The following TMEM18 variants were observed in gnomAD, a reference collection of about 807,000 sequenced individuals.
TMEM18 encodes the protein transmembrane protein 18.
A neutral mutation model predicts 17.4 loss-of-function variants in TMEM18; 14 were observed. The observed-to-expected ratio is 0.80, with a 90% CI of 0.53 to 1.25. The LOEUF is 1.25. TMEM18 is among the 50% of genes most tolerant of loss of function. TMEM18 has a pLI of 0.00. For missense variants in TMEM18, 187 were observed against 172.1 expected, an observed-to-expected ratio of 1.09 and a Z score of -0.48; for synonymous variants, 86 against 66.1, an observed-to-expected ratio of 1.30 and a Z score of -1.46.
chr2:669,960 G>A (rs1678798025), intron 3 of TMEM18, 110 bp from the exon 4 acceptor site: 15 of 817,710 alleles, frequency 1.8e-5, no homozygotes, highest in Non-Finnish European at 2.7e-5. Flanking sequence ...ACTGAGGTGG[G>A]AGCAACACCC....
rs1036551514 is a variant in TMEM18 at position 664,570 on chromosome 2, A to C, written c.*5010T>G. On this transcript the variant is annotated 3_prime_UTR_variant, in exon 5 of 5. Coordinates refer to ENST00000281017, the MANE Select transcript of TMEM18 (RefSeq NM_152834.4). ...TAACCACAGAAGTACAAGTTAAAAC[A>C]GTGAGATAAAACTTTCACCTATTAC... Among the ~76,000 whole-genome samples, 5 of 152,268 alleles carry C rather than the reference A, an allele frequency of 3.3e-5. No homozygotes were observed. The highest frequency in any genetic ancestry group is 7.3e-5 in the Non-Finnish European group (5 of 68,046).
intron 3 of TMEM18, among the ~76,000 whole-genome samples, chr2:672,305 G>A (rs1678869911): frequency 6.6e-6 from 1 of 152,198 alleles, no homozygotes; most frequent in African/African-American, 2.4e-5. Flanking sequence ...CTGGGATGAA[G>A]CCAGGGGTAG....
intron 1 of TMEM18, 131 bp from the exon 2 acceptor site, chr2:675,761 G>T: frequency 6.5e-7 from 1 of 1,535,606 alleles, no homozygotes. Flanking sequence ...TACTCACCAA[G>T]TATCCAGAGA....
chr2:671,102 C>G (rs10164967), intron 3 of TMEM18: 127,032 of 152,404 alleles, frequency 0.83, 52,970 homozygotes, highest in Middle Eastern at 0.86. Flanking sequence ...GCAGAGCAGT[C>G]GGACTGAAGT....
chr2:675,673 A>C, intron 1 of TMEM18, 43 bp from the exon 2 acceptor site: 1 of 1,608,728 alleles, frequency 6.2e-7, no homozygotes, highest in East Asian at 2.2e-5. Flanking sequence ...CTGCCACTCA[A>C]GGCCGGGTTC....
chr2:672,737 C>T (rs1455550774), intron 3 of TMEM18, 71 bp downstream of exon 3: 9 of 1,345,628 alleles, frequency 6.7e-6, no homozygotes, highest in Non-Finnish European at 8.8e-6. Flanking sequence ...TCCGCGAGTC[C>T]CACCGGCTGT....
chr2:675,538 T>C lies in TMEM18; in HGVS notation c.150A>G (p.Arg50=). Residue 50 remains arginine, a synonymous_variant, in exon 2 of 5, where the codon AGA becomes AGG. Transcript: ENST00000281017. ...LLTCLSSRSY[R]LQIGHFLCLV... ...GACACAGAAAGTGCCCGATCTGTAG[T>C]CTGTAGCTTCGGGAGGACAAGCAGG... 6.2e-7 allele frequency: 1 copy of C among 1,614,234 alleles called. No individual in the cohort carries two copies. The highest frequency in any genetic ancestry group is 8.5e-7 in the Non-Finnish European group (1 of 1,180,042).
chr2:673,063 T>C (rs1678897172), intron 2 of TMEM18, among the ~76,000 whole-genome samples: 1 of 152,190 alleles, frequency 6.6e-6, no homozygotes, highest in Non-Finnish European at 1.5e-5. Flanking sequence ...GTGCTTCAGT[T>C]CTCCAATGCT....
rs1013881506 is a variant in TMEM18 at position 676,546 on chromosome 2, G to C, written c.57+743C>G. 3.2e-6 allele frequency: 5 copies of C among 1,549,546 alleles called. No homozygotes were observed. The South Asian group carries it at 3.6e-5, about 11-fold the overall frequency. ...GCCGCGCCATGACATAAGGACACAAGCGCATCTACTCCCATCAATGCACCC... is the reference window on the plus strand; with the variant it reads ...GCCGCGCCATGACATAAGGACACAACCGCATCTACTCCCATCAATGCACCC... On this transcript the variant is annotated intron_variant, in intron 1 of 4. Coordinates refer to ENST00000281017, the MANE Select transcript of TMEM18 (RefSeq NM_152834.4).
rs1572407341 is a variant in TMEM18 at position 666,961 on chromosome 2, C to A, written c.*2619G>T. On this transcript the variant is annotated 3_prime_UTR_variant, in exon 5 of 5. Transcript: ENST00000281017. ...GCAATTCTCGTCTGTCTTTAAGCAT[C>A]CCACTCAACTTCGCGCCACTGAAGC... 6.6e-6 allele frequency among the ~76,000 whole-genome samples: 1 copy of A among 152,052 alleles called. No individual in the cohort carries two copies. Among genetic ancestry groups the A allele is most frequent in the African/African-American group, 2.4e-5 (1 of 41,454 alleles).
At position 664,853 on chromosome 2, in the gene TMEM18, AAT is replaced by A. The variant is rs1165202619; in HGVS notation, c.*4725_*4726del. 6.6e-6 allele frequency among the ~76,000 whole-genome samples: 1 copy of A among 152,222 alleles called. No individual in the cohort carries two copies. The highest frequency in any genetic ancestry group is 1.5e-5 in the Non-Finnish European group (1 of 68,048). ...ACAATTAGAAAAACTCTGCATCTCT[AAT>A]ATCAGTAACTGGTTACGTAAATTCA... On this transcript the variant is annotated 3_prime_UTR_variant, in exon 5 of 5. Coordinates refer to ENST00000281017, the MANE Select transcript of TMEM18 (RefSeq NM_152834.4).
rs1678642107 is a variant in TMEM18, at chr2:665,037, A to G, written c.*4543T>C. ...ACACTTAACAATTTTCTCCTGTTCC[A>G]AAGATATCCAATGTTATATAAGAAA... On this transcript the variant is annotated 3_prime_UTR_variant, in exon 5 of 5. Transcript: ENST00000281017. 6.6e-6 allele frequency among the ~76,000 whole-genome samples: 1 copy of G among 152,270 alleles called. No individual in the cohort carries two copies. Among genetic ancestry groups the G allele is most frequent in the Non-Finnish European group, 1.5e-5 (1 of 68,050 alleles).
rs994553648 is a variant in TMEM18 at position 664,914 on chromosome 2, C to T, written c.*4666G>A. ...CCCTACAATGTGTTTACTATGCAGGCATTGAAAATAATGTTATATAGTGAA... is the reference window on the plus strand; with the variant it reads ...CCCTACAATGTGTTTACTATGCAGGTATTGAAAATAATGTTATATAGTGAA... On this transcript the variant is annotated 3_prime_UTR_variant, in exon 5 of 5. Transcript: ENST00000281017. Among the ~76,000 whole-genome samples the T allele has an allele frequency of 2.6e-5, 4 of 152,106 alleles. No homozygotes were observed. The highest frequency in any genetic ancestry group is 9.7e-5 in the African/African-American group (4 of 41,402).
At chr2:671,177 C>G (rs1017351316) in intron 3 of TMEM18, among the ~76,000 whole-genome samples, 2 of 152,134 alleles carry the variant, frequency 1.3e-5, no homozygotes, top group Admixed American at 1.3e-4. Context: ...AGGCAAGAAA[C>G]CCAGCGCTTT....
rs1678693601 is a variant in TMEM18 at position 666,477 on chromosome 2, A to G, written c.*3103T>C. Among the ~76,000 whole-genome samples the G allele has an allele frequency of 6.6e-6, 1 of 152,198 alleles. No homozygotes were observed. The highest frequency in any genetic ancestry group is 1.5e-5 in the Non-Finnish European group (1 of 68,028). On this transcript the variant is annotated 3_prime_UTR_variant, in exon 5 of 5. Coordinates refer to ENST00000281017, the MANE Select transcript of TMEM18 (RefSeq NM_152834.4). ...TGTGAAACTGGAACATCGGAGGAAG[A>G]GGAGCTAGAAAGCTTACCAGGCCGA...
Position 667,763 on chromosome 2 carries a change from T to C in TMEM18, c.*1817A>G, listed in dbSNP as rs1020403003. 2 of 152,226 alleles carry C rather than the reference T, an allele frequency of 1.3e-5. No homozygotes were observed. The highest frequency in any genetic ancestry group is 4.8e-5 in the African/African-American group (2 of 41,460). 9.4% of individuals were successfully genotyped at this position (152,226 alleles called of 1,614,324 possible). A position where few individuals can be genotyped will look rare whatever the true frequency, so the allele number is the denominator to read the frequency against. Reference sequence around the variant, plus strand: ...CTGTTCCAAAACACAGACACACACATGCAGAATGAAAATCAAAGACCACAC... The same window carrying C: ...CTGTTCCAAAACACAGACACACACACGCAGAATGAAAATCAAAGACCACAC... On this transcript the variant is annotated 3_prime_UTR_variant, in exon 5 of 5. Coordinates refer to ENST00000281017, the MANE Select transcript of TMEM18 (RefSeq NM_152834.4).
At chr2:674,066 G>C (rs534247960) in intron 2 of TMEM18, among the ~76,000 whole-genome samples, 8 of 152,318 alleles carry the variant, frequency 5.3e-5, no homozygotes, top group Admixed American at 2.0e-4. Flanking sequence ...GAGAACCTCT[G>C]CATGTTTCAT....
At chr2:676,001 T>C in intron 1 of TMEM18, 2 of 1,306,376 alleles carry the variant, frequency 1.5e-6, no homozygotes, top group South Asian at 1.3e-5. Flanking sequence ...TTGGTTATGA[T>C]AATTGGTGAC....
At chr2:675,794 C>T in intron 1 of TMEM18, 164 bp from the exon 2 acceptor site, 1 of 1,532,124 alleles carries the variant, frequency 6.5e-7, no homozygotes, top group Non-Finnish European at 8.7e-7. Context: ...CTCAGAGAAA[C>T]ATGGGGACAG....
Sources: gnomAD v4.1 joint callset for allele counts (sites outside exome capture counted in the v4.1 genomes callset) on GRCh38, gnomAD v4.1.1 for gene constraint, MANE v1.5 for transcripts, NCBI Gene and HGNC (gene_info 2026-07-23, HGNC 2026-07-21) for gene names.